The following PDIA5 variants were observed in gnomAD, a reference collection of about 807,000 sequenced individuals.
PDIA5 encodes protein disulfide-isomerase A5.
A neutral mutation model predicts 77.6 loss-of-function variants in PDIA5; 58 were observed. The observed-to-expected ratio is 0.75, with a 90% confidence interval of 0.61 to 0.93. The LOEUF is 0.93. Among genes scored for constraint, PDIA5 ranks in the 40% least tolerant of loss-of-function variants. The pLI, the probability that PDIA5 is intolerant of heterozygous loss-of-function variation, is 0.00. For missense variants in PDIA5, 630 were observed against 647.7 expected, an observed-to-expected ratio of 0.97 and a Z score of 0.30; for synonymous variants, 250 against 252.1, an observed-to-expected ratio of 0.99 and a Z score of 0.08.
chr3:123,108,281 CTTTT>C (rs1241360740), intron 6 of PDIA5, among the ~76,000 whole-genome samples: 3 of 133,734 alleles, frequency 2.2e-5, no homozygotes, highest in Non-Finnish European at 3.2e-5. Context: ...TTGAAGATGT[CTTTT>C]TTTTTTTTTT....
At chr3:123,091,146 C>T (rs1301605063) in intron 2 of PDIA5, among the ~76,000 whole-genome samples, 1 of 152,174 alleles carries the variant, frequency 6.6e-6, no homozygotes, top group Non-Finnish European at 1.5e-5. Flanking sequence ...GCTCGCCCTC[C>T]TCCTGTCACC....
intron 7 of PDIA5, among the ~76,000 whole-genome samples, chr3:123,115,675 A>G (rs933206751): frequency 3.3e-5 from 5 of 152,258 alleles, no homozygotes; most frequent in Admixed American, 6.5e-5. Flanking sequence ...CCCACAGGCC[A>G]GAGCCAGCAC....
chr3:123,140,814 C>A (rs1016580365), intron 11 of PDIA5, among the ~76,000 whole-genome samples: 2 of 152,218 alleles, frequency 1.3e-5, no homozygotes, highest in African/African-American at 4.8e-5. Flanking sequence ...GGAGCTGAGG[C>A]CAAAGCCCAG....
chr3:123,113,438 G>A (rs548196305), intron 7 of PDIA5, among the ~76,000 whole-genome samples: 4 of 152,280 alleles, frequency 2.6e-5, no homozygotes, highest in South Asian at 2.1e-4. Context: ...GAGAAAGCTG[G>A]GGCAGGGGAA....
intron 3 of PDIA5, among the ~76,000 whole-genome samples, chr3:123,102,056 C>A (rs550651162): frequency 1.3e-5 from 2 of 151,834 alleles, no homozygotes; most frequent in South Asian, 2.1e-4. Context: ...ATTACAGGCA[C>A]GTACCACCAC....
At position 123,145,610 on chromosome 3, in the gene PDIA5, C is replaced by T; in HGVS notation, c.981+18C>T. 1 of 1,587,084 alleles carries T rather than the reference C, an allele frequency of 6.3e-7. No individual in the cohort carries two copies. Among genetic ancestry groups the T allele is most frequent in the South Asian group, 1.1e-5 (1 of 90,460 alleles). The stretch of plus-strand genomic sequence containing the variant: ...AAGCGGATGTAAGCTTCCTTTCCTT[C>T]CCCCTCACCGTTCTCTTTGAAAGAA... On this transcript the variant is annotated intron_variant, in intron 12 of 16. Transcript: ENST00000316218.
intron 3 of PDIA5, among the ~76,000 whole-genome samples, chr3:123,096,478 C>T (rs1488987761): frequency 3.9e-5 from 6 of 152,184 alleles, no homozygotes; most frequent in South Asian, 2.1e-4. Flanking sequence ...CATGCGCCAC[C>T]GTGCCTGGCC....
intron 1 of PDIA5, among the ~76,000 whole-genome samples, chr3:123,073,183 C>G (rs1576430209): frequency 6.6e-6 from 1 of 152,170 alleles, no homozygotes; most frequent in Non-Finnish European, 1.5e-5. Context: ...TGGTTTTGAG[C>G]CCCATGTAAC....
chr3:123,145,417 C>T, intron 11 of PDIA5, 105 bp from the exon 12 acceptor site: 1 of 741,776 alleles, frequency 1.3e-6, no homozygotes, highest in South Asian at 1.7e-5. Flanking sequence ...CTGCTTTTCT[C>T]AGGTGTCTGG....
intron 1 of PDIA5, among the ~76,000 whole-genome samples, chr3:123,079,175 C>CTTTTTTTTTTTTTTTTTTT (rs35252405): frequency 2.1e-5 from 2 of 94,080 alleles, no homozygotes; most frequent in Non-Finnish European, 4.0e-5. Flanking sequence ...ATTTTGAATT[C>CTTTTTTTTTTTTTTTTTTT]TTTTTTTTTT....
chr3:123,073,519 G>A (rs1292865177), intron 1 of PDIA5, among the ~76,000 whole-genome samples: 1 of 152,180 alleles, frequency 6.6e-6, no homozygotes, highest in African/African-American at 2.4e-5. Flanking sequence ...CCAGTTCACT[G>A]TCCCCTATTG....
At chr3:123,125,641 G>A (rs1935230037) in intron 10 of PDIA5, among the ~76,000 whole-genome samples, 1 of 152,180 alleles carries the variant, frequency 6.6e-6, no homozygotes. Context: ...AAATGGGAAA[G>A]AAGGGTGGGT....
At chr3:123,099,949 C>G (rs552434074) in intron 3 of PDIA5, among the ~76,000 whole-genome samples, 13 of 152,278 alleles carry the variant, frequency 8.5e-5, no homozygotes, top group Non-Finnish European at 1.5e-4. Context: ...CAGGCAGGAA[C>G]TGCAGTGTGA....
chr3:123,069,016 GT>G (rs1229807355), intron 1 of PDIA5, among the ~76,000 whole-genome samples: 5 of 152,218 alleles, frequency 3.3e-5, no homozygotes, highest in Non-Finnish European at 7.3e-5. Flanking sequence ...GAGCAGGTAG[GT>G]TTGCTGAAAG....
chr3:123,153,876 C>G (rs1048619859), intron 14 of PDIA5, among the ~76,000 whole-genome samples: 3 of 152,218 alleles, frequency 2.0e-5, no homozygotes, highest in Non-Finnish European at 2.9e-5. Context: ...CGTTTCTGTT[C>G]CCACCGTGGC....
chr3:123,094,092 A>T (rs76372754), intron 3 of PDIA5, among the ~76,000 whole-genome samples: 3 of 152,218 alleles, frequency 2.0e-5, no homozygotes, highest in Non-Finnish European at 4.4e-5. Flanking sequence ...AAAAGTGCCA[A>T]TGAGAATATC....
At chr3:123,123,149 T>G (rs370980803) in intron 8 of PDIA5, among the ~76,000 whole-genome samples, 64 of 152,290 alleles carry the variant, frequency 4.2e-4, no homozygotes, top group African/African-American at 1.5e-3. Context: ...TACTGCCACA[T>G]GTCTGTGGTC....
At chr3:123,110,631 A>G (rs1462698690) in intron 6 of PDIA5, among the ~76,000 whole-genome samples, 6 of 152,218 alleles carry the variant, frequency 3.9e-5, no homozygotes, top group Non-Finnish European at 8.8e-5. Context: ...GAAAGCCAGC[A>G]GCCTGGTCCT....
At chr3:123,081,784 G>A (rs1158010637) in intron 1 of PDIA5, among the ~76,000 whole-genome samples, 1 of 152,226 alleles carries the variant, frequency 6.6e-6, no homozygotes, top group Non-Finnish European at 1.5e-5. Flanking sequence ...TAGTTACAGA[G>A]AATGCGAGGG....
Sources: gnomAD v4.1 joint callset for allele counts (sites outside exome capture counted in the v4.1 genomes callset) on GRCh38, gnomAD v4.1.1 for gene constraint, MANE v1.5 for transcripts, NCBI Gene and HGNC (gene_info 2026-07-23, HGNC 2026-07-21) for gene names.